HELZ2: variants seen among roughly 807,000 people sequenced by gnomAD.
HELZ2 encodes 3'-5' exoribonuclease HELZ2.
A neutral mutation model predicts 208.8 loss-of-function variants in HELZ2; 143 were observed. The observed-to-expected ratio is 0.68, with a 90% CI of 0.60 to 0.79. HELZ2 has a LOEUF of 0.79. Among genes scored for constraint, HELZ2 ranks in the 30% least tolerant of loss-of-function variants. The pLI is 0.00. For missense variants in HELZ2, 3,690 were observed against 3,794.5 expected (o/e 0.97, Z 0.72); for synonymous variants, 1,705 against 1,693.7 (o/e 1.01, Z -0.16).
exon 13 of HELZ2, chr20:63,561,423 A>C: frequency 6.2e-7 from 1 of 1,612,618 alleles, no homozygotes. Context: ...TCCGACGAGT[A>C]AGGGTTGGGG....
chr20:63,561,149 T>C, exon 14 of HELZ2: 1 of 1,612,980 alleles, frequency 6.2e-7, no homozygotes, highest in Non-Finnish European at 8.5e-7. Flanking sequence ...GCCTGCCTCG[T>C]CAACAAGGAT....
intron 5 of HELZ2, 139 bp downstream of exon 6, chr20:63,568,219 A>G (rs1464136754): frequency 8.4e-6 from 6 of 717,082 alleles, no homozygotes; most frequent in Middle Eastern, 3.8e-4. Context: ...TGGGCCTGAT[A>G]AAGCCAAAGC....
At chr20:63,564,892 C>A (rs781767607) in exon 8 of HELZ2, 5 of 1,612,176 alleles carry the variant, frequency 3.1e-6, no homozygotes, top group Non-Finnish European at 4.2e-6. Flanking sequence ...CCTGGTCCGA[C>A]GGGGGCACCC....
At chr20:63,560,197 G>A (rs757754491) in exon 17 of HELZ2, 1 of 1,555,840 alleles carries the variant, frequency 6.4e-7, no homozygotes. Context: ...GGAGGACACG[G>A]CCACCCCGGC....
chr20:63,561,953 G>A (rs1476444345), exon 11 of HELZ2: 9 of 1,599,910 alleles, frequency 5.6e-6, no homozygotes, highest in Middle Eastern at 1.7e-4. Flanking sequence ...ACCAGAATAC[G>A]ATGTGGAGGC....
chr20:63,571,186 T>G, intron 1 of HELZ2: 1 of 314,532 alleles, frequency 3.2e-6, no homozygotes, highest in Non-Finnish European at 5.8e-6. Context: ...AACCTCTGGC[T>G]CTGCCTACGG....
rs1307334924 is a variant in HELZ2 at position 63,567,885 on chromosome 20, C to G, written c.1731-258G>C. The G allele has an allele frequency of 1.8e-4, 123 of 687,416 alleles. No individual in the cohort carries two copies. The East Asian group carries it at 3.4e-3, about 19-fold the overall frequency. The allele number at this position is 687,416 out of a possible 1,614,324, so 42.6% of individuals were successfully genotyped here. A position where few individuals can be genotyped will look rare whatever the true frequency, so the allele number is the denominator to read the frequency against. The stretch of plus-strand genomic sequence containing the variant: ...CCTGCACCTCCCTGGTCCCCAGAAC[C>G]CCCAATCCAGAAATCAGCCCGGGAC... On this transcript the variant is annotated intron_variant, in intron 5 of 18. Coordinates refer to ENST00000467148, the Ensembl canonical transcript of HELZ2.
At chr20:63,563,712 C>T (rs758737285) in exon 8 of HELZ2, 4 of 1,591,088 alleles carry the variant, frequency 2.5e-6, no homozygotes, top group Admixed American at 1.7e-5. Context: ...CAGAGCCCAT[C>T]GATGTCCCTG....
At position 63,569,258 on chromosome 20, in the gene HELZ2, C is replaced by T. The variant is rs2082994782; in HGVS notation, c.978G>A (p.Glu326=). The T allele has an allele frequency of 1.9e-6, 3 of 1,573,346 alleles. 1 individual carries two copies. In the East Asian group the frequency reaches 6.8e-5, roughly 36 times the overall value. ...CCGAGGCCACGCTGCTGCGGTTGAACTCCAGGGCCAGGGCAGGGCCCTTGT... is the reference window on the plus strand; with the variant it reads ...CCGAGGCCACGCTGCTGCGGTTGAATTCCAGGGCCAGGGCAGGGCCCTTGT... Residue 326 remains glutamate (E), a synonymous_variant, in exon 4 of 19, where the codon GAG becomes GAA. Coordinates refer to ENST00000467148, the Ensembl canonical transcript of HELZ2.
exon 12 of HELZ2, chr20:63,561,625 T>C: frequency 6.2e-7 from 1 of 1,610,012 alleles, no homozygotes; most frequent in South Asian, 1.1e-5. Flanking sequence ...CGGCCTCCCC[T>C]CCCGGGGGCT....
chr20:63,572,618 C>T (rs937398415), upstream of HELZ2: 35 of 516,580 alleles, frequency 6.8e-5, no homozygotes, highest in Middle Eastern at 5.0e-4. Context: ...TGGGGGACAG[C>T]GCCTGAAGCA....
exon 8 of HELZ2, chr20:63,564,762 C>G: frequency 6.2e-7 from 1 of 1,611,990 alleles, no homozygotes; most frequent in Non-Finnish European, 8.5e-7. Flanking sequence ...AGGGCATCAT[C>G]GAGGTTGCAG....
chr20:63,567,160 C>T (rs767184266), exon 6 of HELZ2: 14 of 1,609,552 alleles, frequency 8.7e-6, no homozygotes, highest in Non-Finnish European at 1.1e-5. Flanking sequence ...GCGGCTCTGC[C>T]GCGCCACCTC....
At chr20:63,564,380 G>A (rs1250068326) in exon 8 of HELZ2, 1 of 1,556,760 alleles carries the variant, frequency 6.4e-7, no homozygotes, top group East Asian at 2.4e-5. Flanking sequence ...GGCGTCCACG[G>A]AGTCCAGGCG....
chr20:63,572,698 T>C, upstream of HELZ2: 1 of 363,040 alleles, frequency 2.8e-6, no homozygotes, highest in Non-Finnish European at 5.0e-6. Flanking sequence ...GGCCTGCCCC[T>C]CCCTGGGCCC....
chr20:63,569,092 T>TC (rs1452056482), intron 4 of HELZ2, 56 bp downstream of exon 5: 2 of 1,584,198 alleles, frequency 1.3e-6, no homozygotes. Context: ...CCCCAGCCGC[T>TC]CCCATTGCCC....
At chr20:63,563,020 C>T in exon 8 of HELZ2, 2 of 1,601,062 alleles carry the variant, frequency 1.2e-6, no homozygotes, top group Non-Finnish European at 1.7e-6. Context: ...CGTCGCGGTA[C>T]CGGTCCCTCG....
chr20:63,564,462 G>A lies in HELZ2; in HGVS notation c.4360C>T (p.Arg1454Cys), dbSNP rs145167312. ...TCCGCCTCCTCGTAGGACAGCTGGC[G>A]GTCAGACTGGACCACGGAGGGTGCA... The change falls in exon 8 of 19, where the codon CGC becomes TGC. Residue 1454 changes from arginine (R) to cysteine (C), a missense_variant. By Grantham distance (180) the Arg-to-Cys change is radical (BLOSUM62 -3). Coordinates refer to ENST00000467148, the Ensembl canonical transcript of HELZ2. 79 of 1,576,312 alleles carry A rather than the reference G, an allele frequency of 5.0e-5. No homozygotes were observed. In the African/African-American group the frequency reaches 7.0e-4, roughly 14 times the overall value.
intron 3 of HELZ2, among the ~76,000 whole-genome samples, chr20:63,569,969 G>A: frequency 6.6e-6 from 1 of 152,120 alleles, no homozygotes; most frequent in South Asian, 2.1e-4. Context: ...TGGTTTTTGA[G>A]ACGGAGTTTC....
Sources: allele counts gnomAD v4.1 joint callset (sites outside exome capture counted in the v4.1 genomes callset), GRCh38; gene constraint gnomAD v4.1.1; transcripts MANE v1.5; gene names NCBI Gene and HGNC (gene_info 2026-07-23, HGNC 2026-07-21).